MYH16: variants seen among roughly 807,000 people sequenced by gnomAD.
MYH16 encodes myosin heavy chain 16, also known as putative uncharacterized protein MYH16.
At chr7:99,251,722 C>G (rs1791810370) in intron 6 of MYH16, among the ~76,000 whole-genome samples, 2 of 152,174 alleles carry the variant, frequency 1.3e-5, no homozygotes, top group African/African-American at 4.8e-5. Context: ...GTAATCCCAG[C>G]ACTTTGGGAA....
chr7:99,287,737 C>G (rs1792299911), intron 28 of MYH16, 155 bp from the exon 10 acceptor site: 1 of 358,032 alleles, frequency 2.8e-6, no homozygotes, highest in African/African-American at 2.1e-5. Context: ...CTGTGGGCAA[C>G]CCCCACCCCC....
At chr7:99,287,096 G>A (rs1792290324) in intron 28 of MYH16, among the ~76,000 whole-genome samples, 1 of 152,210 alleles carries the variant, frequency 6.6e-6, no homozygotes, top group South Asian at 2.1e-4. Context: ...CCTTTACTCT[G>A]GCTCCCATGG....
At chr7:99,284,796 T>C (rs1792254487) in intron 25 of MYH16, 49 bp from the exon 8 acceptor site, 1 of 454,546 alleles carries the variant, frequency 2.2e-6, no homozygotes, top group Non-Finnish European at 4.4e-6. Flanking sequence ...GCCAGCTTGC[T>C]GGTCTACCCT....
rs150446202 is a variant in MYH16, at chr7:99,268,824, G to T, written n.2266+1850G>T. On this transcript the variant is annotated intron_variant and non_coding_transcript_variant, in intron 18 of 41. Transcript: ENST00000439784. ...ACCTTGCGATGTCTAGCTCCTCGGG[G>T]GTCCTTTTGAGGGGCAGGGAGCATT... is the stretch of plus-strand genomic sequence containing the variant. Among the ~76,000 whole-genome samples, 27 of 152,316 alleles carry T rather than the reference G, an allele frequency of 1.8e-4. 1 individual carries two copies. In the East Asian group the frequency reaches 5.2e-3, roughly 29 times the overall value.
intron 23 of MYH16, among the ~76,000 whole-genome samples, chr7:99,283,309 AGTGGTAC>A (rs1792227576): frequency 6.6e-6 from 1 of 152,158 alleles, no homozygotes; most frequent in Admixed American, 6.5e-5. Flanking sequence ...GCTCGGGTGC[AGTGGTAC>A]GATCATAGCT....
intron 40 of MYH16, among the ~76,000 whole-genome samples, chr7:99,304,963 A>G (rs1792659373): frequency 6.6e-6 from 1 of 152,252 alleles, no homozygotes. Context: ...AGGCGGGAGG[A>G]TCGCTTGAGG....
chr7:99,255,171 AGG>A (rs1791856199), intron 8 of MYH16, among the ~76,000 whole-genome samples: 1 of 152,166 alleles, frequency 6.6e-6, no homozygotes, highest in South Asian at 2.1e-4. Context: ...TAGGAGGCTG[AGG>A]TGCAAGAATC....
intron 34 of MYH16, among the ~76,000 whole-genome samples, chr7:99,297,384 G>A (rs923400700): frequency 5.3e-5 from 8 of 152,126 alleles, no homozygotes; most frequent in Admixed American, 4.6e-4. Context: ...AGTGAGCCGA[G>A]ATCATGCCAC....
At chr7:99,256,671 A>T (rs1004034738) in intron 9 of MYH16, among the ~76,000 whole-genome samples, 1 of 152,210 alleles carries the variant, frequency 6.6e-6, no homozygotes, top group Non-Finnish European at 1.5e-5. Flanking sequence ...GCTACTTGGG[A>T]GGCTGAGGAA....
intron 16 of MYH16, chr7:99,265,207 G>A (rs1444298616): frequency 3.3e-5 from 5 of 152,686 alleles, no homozygotes; most frequent in Admixed American, 6.5e-5. Context: ...GTGGGGTCAC[G>A]GCTCCCTGCT....
At chr7:99,266,750 T>C (rs1346392665) in intron 17 of MYH16, 1 of 152,658 alleles carries the variant, frequency 6.6e-6, no homozygotes, top group Non-Finnish European at 1.5e-5. Flanking sequence ...GTCTAATCTC[T>C]GTCCAAAGTC....
chr7:99,288,767 T>A (rs1310724178), intron 29 of MYH16, among the ~76,000 whole-genome samples: 1 of 151,910 alleles, frequency 6.6e-6, no homozygotes, highest in Non-Finnish European at 1.5e-5. Context: ...ATGATTGTCA[T>A]AATCCCCACC....
intron 17 of MYH16, among the ~76,000 whole-genome samples, chr7:99,266,539 A>T (rs1791989135): frequency 6.6e-6 from 1 of 152,084 alleles, no homozygotes; most frequent in African/African-American, 2.4e-5. Flanking sequence ...ATGATAAAAA[A>T]CCTGTTTGCT....
intron 30 of MYH16, among the ~76,000 whole-genome samples, chr7:99,290,520 C>T (rs1406037919): frequency 2.0e-5 from 3 of 149,606 alleles, no homozygotes; most frequent in Non-Finnish European, 4.4e-5. Context: ...CAATATCCAG[C>T]CGTGTGCAGT....
At chr7:99,287,746 C>G (rs961123925) in intron 28 of MYH16, 146 bp from the exon 10 acceptor site, 2 of 360,880 alleles carry the variant, frequency 5.5e-6, no homozygotes, top group African/African-American at 4.3e-5. Context: ...ACCCCCACCC[C>G]CCAAAGGCTA....
At chr7:99,291,407 C>T (rs1226463645) in exon 31 of MYH16, 1 of 456,468 alleles carries the variant, frequency 2.2e-6, no homozygotes, top group Non-Finnish European at 4.4e-6. Context: ...TCTCTGACGT[C>T]ACAAGTGGAT....
intron 38 of MYH16, among the ~76,000 whole-genome samples, chr7:99,302,819 C>T (rs773290050): frequency 6.0e-5 from 9 of 150,756 alleles, no homozygotes; most frequent in South Asian, 2.1e-4. Context: ...AGATTGAGGC[C>T]GCAGTGAGCT....
intron 32 of MYH16, among the ~76,000 whole-genome samples, chr7:99,293,245 T>C (rs1792418665): frequency 6.6e-6 from 1 of 152,214 alleles, no homozygotes; most frequent in African/African-American, 2.4e-5. Flanking sequence ...AAATTAGGCA[T>C]AGAAAATGGC....
intron 27 of MYH16, among the ~76,000 whole-genome samples, chr7:99,285,871 T>C (rs1481014166): frequency 6.6e-6 from 1 of 152,204 alleles, no homozygotes; most frequent in African/African-American, 2.4e-5. Flanking sequence ...CTACAGGACG[T>C]GAGCCCAGAA....
Sources: gnomAD v4.1 joint callset for allele counts (sites outside exome capture counted in the v4.1 genomes callset) on GRCh38, gnomAD v4.1.1 for gene constraint, MANE v1.5 for transcripts, NCBI Gene and HGNC (gene_info 2026-07-23, HGNC 2026-07-21) for gene names.